The following KRCC1 variants were observed in gnomAD, a reference collection of about 807,000 sequenced individuals.
The protein encoded by KRCC1 is lysine rich coiled-coil 1.
A neutral mutation model predicts 7.4 loss-of-function variants in KRCC1; 3 were observed. The observed-to-expected ratio is 0.40, with a 90% confidence interval of 0.18 to 1.04. The LOEUF (loss-of-function observed/expected upper bound fraction) is 1.04. KRCC1 is among the 50% of genes least tolerant of loss of function. The pLI is 0.33. For missense variants in KRCC1, 277 were observed against 300.9 expected, an observed-to-expected ratio of 0.92 and a Z score of 0.59; for synonymous variants, 102 against 101.6, an observed-to-expected ratio of 1.00 and a Z score of -0.02.
chr2:88,032,443 T>G (rs1673013108), intron 3 of KRCC1, among the ~76,000 whole-genome samples: 1 of 152,188 alleles, frequency 6.6e-6, no homozygotes, highest in South Asian at 2.1e-4. Context: ...CTGTACAGAT[T>G]TGTAGCCTAG....
At chr2:88,030,666 A>T (rs770786586) in intron 3 of KRCC1, among the ~76,000 whole-genome samples, 132 of 152,314 alleles carry the variant, frequency 8.7e-4, no homozygotes, top group Middle Eastern at 3.4e-3. Flanking sequence ...GCTGATAAGG[A>T]TCTGGAACTC....
At chr2:88,033,654 A>G (rs886433097) in intron 3 of KRCC1, among the ~76,000 whole-genome samples, 1 of 152,232 alleles carries the variant, frequency 6.6e-6, no homozygotes, top group Non-Finnish European at 1.5e-5. Flanking sequence ...GGTAATAAAA[A>G]GATTTTACTT....
In KRCC1 at chr2:88,034,115, T is replaced by G. The variant is rs1203325433; in HGVS notation, c.-23+19A>C. 1 of 152,390 alleles carries G rather than the reference T, an allele frequency of 6.6e-6. No individual in the cohort carries two copies. Among genetic ancestry groups the G allele is most frequent in the East Asian group, 1.9e-4 (1 of 5,178 alleles). 9.4% of individuals were successfully genotyped at this position (152,390 alleles called of 1,614,324 possible). A position where few individuals can be genotyped will look rare whatever the true frequency, so the allele number is the denominator to read the frequency against. On this transcript the variant is annotated intron_variant, in intron 3 of 3. Coordinates refer to ENST00000347055, the MANE Select transcript of KRCC1 (RefSeq NM_016618.3). ...GATGGCACAGAGATGAATAAAGAGG[T>G]GAATGGAACCTTACTTACCCTTATC...
At chr2:88,038,604 A>G (rs1305433899) in intron 1 of KRCC1, among the ~76,000 whole-genome samples, 2 of 152,226 alleles carry the variant, frequency 1.3e-5, no homozygotes, top group African/African-American at 4.8e-5. Context: ...TGTTACAAAG[A>G]CATAACAAAG....
At chr2:88,047,721 G>T (rs927952733) in intron 1 of KRCC1, among the ~76,000 whole-genome samples, 5 of 152,004 alleles carry the variant, frequency 3.3e-5, no homozygotes, top group African/African-American at 1.2e-4. Context: ...GTAGAACCGG[G>T]GTTTCACCAT....
At chr2:88,041,568 C>T (rs1420370487) in intron 1 of KRCC1, among the ~76,000 whole-genome samples, 1 of 152,160 alleles carries the variant, frequency 6.6e-6, no homozygotes, top group African/African-American at 2.4e-5. Context: ...CAAATTAAAA[C>T]AGTTGGGTCC....
intron 2 of KRCC1, among the ~76,000 whole-genome samples, chr2:88,035,995 G>C (rs1170494923): frequency 6.6e-6 from 1 of 152,148 alleles, no homozygotes. Flanking sequence ...GTCAAGGCTT[G>C]AATCCAAGTT....
intron 3 of KRCC1, among the ~76,000 whole-genome samples, chr2:88,032,161 ATTAAT>A (rs1673006805): frequency 6.6e-6 from 1 of 152,036 alleles, no homozygotes; most frequent in Non-Finnish European, 1.5e-5. Context: ...TAATTAATTA[ATTAAT>A]TTAATGTAGC....
At chr2:88,044,401 C>CAAAAAA (rs10527729) in intron 1 of KRCC1, among the ~76,000 whole-genome samples, 11 of 146,634 alleles carry the variant, frequency 7.5e-5, no homozygotes, top group Non-Finnish European at 7.5e-5. Context: ...CAAAAGAAAA[C>CAAAAAA]AAAAAAAAAA....
intron 1 of KRCC1, among the ~76,000 whole-genome samples, chr2:88,052,321 C>G (rs181540757): frequency 6.6e-5 from 10 of 152,252 alleles, no homozygotes; most frequent in African/African-American, 2.4e-4. Flanking sequence ...TCTAATTTGT[C>G]TTATGCATTT....
intron 1 of KRCC1, among the ~76,000 whole-genome samples, chr2:88,049,426 C>A (rs1385738836): frequency 6.6e-6 from 1 of 152,046 alleles, no homozygotes; most frequent in Non-Finnish European, 1.5e-5. Context: ...GTAGGTGGAT[C>A]GTTTGAGTCC....
intron 1 of KRCC1, among the ~76,000 whole-genome samples, chr2:88,040,084 A>G (rs1474594569): frequency 6.6e-6 from 1 of 151,614 alleles, no homozygotes; most frequent in Non-Finnish European, 1.5e-5. Context: ...CTTACTGAGG[A>G]CTAGTTATTT....
At chr2:88,052,721 G>T (rs575093521) in intron 1 of KRCC1, among the ~76,000 whole-genome samples, 4 of 152,076 alleles carry the variant, frequency 2.6e-5, no homozygotes, top group African/African-American at 9.7e-5. Flanking sequence ...TTCCCTTTTT[G>T]ATCTACTTCT....
At chr2:88,047,650 T>G (rs1336071391) in intron 1 of KRCC1, among the ~76,000 whole-genome samples, 1 of 152,110 alleles carries the variant, frequency 6.6e-6, no homozygotes, top group African/African-American at 2.4e-5. Flanking sequence ...CACCTCAGCC[T>G]CCCGAGTAGC....
chr2:88,052,471 AAG>A (rs1258393965), intron 1 of KRCC1, among the ~76,000 whole-genome samples: 5 of 152,208 alleles, frequency 3.3e-5, no homozygotes, highest in African/African-American at 1.2e-4. Context: ...GCATTTGTGA[AAG>A]ATAAAAATTT....
Position 88,027,723 on chromosome 2 carries a change from A to G in KRCC1, c.*61T>C, listed in dbSNP as rs966124719. 3.2e-5 allele frequency: 47 copies of G among 1,465,022 alleles called. No individual in the cohort carries two copies. Among genetic ancestry groups the G allele is most frequent in the Admixed American group, 1.6e-4 (7 of 43,184 alleles). 90.8% of individuals were successfully genotyped at this position (1,465,022 alleles called of 1,614,324 possible). The stretch of plus-strand genomic sequence containing the variant: ...GAAAAGTGGTATGAACACGGATATC[A>G]TAAAACCAAGCTCTCACCTATTTTT... On this transcript the variant is annotated 3_prime_UTR_variant, in exon 4 of 4. Coordinates refer to ENST00000347055, the MANE Select transcript of KRCC1 (RefSeq NM_016618.3).
chr2:88,053,666 A>G, intron 1 of KRCC1, among the ~76,000 whole-genome samples: 1 of 152,218 alleles, frequency 6.6e-6, no homozygotes. Flanking sequence ...GTGAACAGAA[A>G]AAGTGCTTAC....
At chr2:88,043,301 T>A (rs148624270) in intron 1 of KRCC1, among the ~76,000 whole-genome samples, 1 of 152,214 alleles carries the variant, frequency 6.6e-6, no homozygotes, top group Non-Finnish European at 1.5e-5. Context: ...CCTTAACAAC[T>A]CATGAACTTC....
chr2:88,031,939 T>TG (rs1371050590), intron 3 of KRCC1, among the ~76,000 whole-genome samples: 1 of 151,926 alleles, frequency 6.6e-6, no homozygotes, highest in African/African-American at 2.4e-5. Context: ...GGTCAGGAGT[T>TG]GGAGACCAGC....
Sources: allele counts gnomAD v4.1 joint callset (sites outside exome capture counted in the v4.1 genomes callset), GRCh38; gene constraint gnomAD v4.1.1; transcripts MANE v1.5; gene names NCBI Gene and HGNC (gene_info 2026-07-23, HGNC 2026-07-21).